The following HADHB variants were observed in gnomAD, a reference collection of about 807,000 sequenced individuals.
The protein encoded by HADHB is trifunctional enzyme subunit beta, mitochondrial.
In HADHB, 50 loss-of-function variants were observed where a neutral mutation model predicts 61.9. That is an observed-to-expected ratio of 0.81 (90% confidence interval 0.64 to 1.02). HADHB has a LOEUF of 1.02. Ranked by LOEUF, HADHB falls within the 50% of genes least tolerant of loss-of-function variation. HADHB has a pLI of 0.00. For missense variants in HADHB, 504 were observed against 586.5 expected, an observed-to-expected ratio of 0.86 and a Z score of 1.45; for synonymous variants, 191 against 201.6, an observed-to-expected ratio of 0.95 and a Z score of 0.45.
At chr2:26,287,734 AGCAGGGTTTCTCAACTTTG>A (rs1480247509) in intron 15 of HADHB, among the ~76,000 whole-genome samples, 16 of 152,200 alleles carry the variant, frequency 1.1e-4, no homozygotes, top group African/African-American at 3.9e-4. Context: ...GTGAATCTAG[AGCAGGGTTTCTCAACTTTG>A]GCACTAACAT....
intron 3 of HADHB, chr2:26,261,183 A>C: frequency 2.0e-6 from 1 of 496,572 alleles, no homozygotes; most frequent in Non-Finnish European, 3.7e-6. Context: ...GGCCTGTGGG[A>C]TGTCCAAAAC....
chr2:26,278,511 A>G, intron 7 of HADHB, 103 bp from the exon 8 acceptor site: 1 of 992,130 alleles, frequency 1.0e-6, no homozygotes. Flanking sequence ...ATGTTGTACA[A>G]AGCTGATAAC....
chr2:26,267,750 C>G, intron 4 of HADHB, among the ~76,000 whole-genome samples: 1 of 121,692 alleles, frequency 8.2e-6, no homozygotes, highest in South Asian at 2.5e-4. Flanking sequence ...CCAGCCTGGG[C>G]AACAGAGTGA....
intron 4 of HADHB, among the ~76,000 whole-genome samples, chr2:26,266,232 A>G (rs1356253061): frequency 6.6e-6 from 1 of 151,886 alleles, no homozygotes; most frequent in Non-Finnish European, 1.5e-5. Context: ...TATATGAGCT[A>G]TGCTATTGCA....
chr2:26,262,182 G>A (rs1196139457), intron 3 of HADHB, among the ~76,000 whole-genome samples: 2 of 152,150 alleles, frequency 1.3e-5, no homozygotes, highest in Non-Finnish European at 2.9e-5. Flanking sequence ...ACATTAACAG[G>A]TGTGGTAAGG....
chr2:26,263,696 A>G (rs1250673480), intron 4 of HADHB, among the ~76,000 whole-genome samples: 2 of 152,164 alleles, frequency 1.3e-5, no homozygotes, highest in African/African-American at 4.8e-5. Context: ...GCGTAGTTTT[A>G]CTTGAAACAG....
chr2:26,254,058 G>A (rs1448389534), intron 1 of HADHB, among the ~76,000 whole-genome samples, 189 bp from the exon 2 acceptor site: 1 of 151,934 alleles, frequency 6.6e-6, no homozygotes, highest in Non-Finnish European at 1.5e-5. Context: ...TAGAATAGTG[G>A]TTGCTGCAAT....
chr2:26,282,386 A>G, intron 10 of HADHB, among the ~76,000 whole-genome samples: 1 of 150,420 alleles, frequency 6.6e-6, no homozygotes, highest in East Asian at 2.0e-4. Context: ...TCAGCCTCCC[A>G]AGTAGCTGGG....
In HADHB at chr2:26,279,281, A is replaced by T. The variant is rs1314890867; in HGVS notation, c.777A>T (p.Gly259=). ...HSLAKKAQDE[G]LLSDVVPFKV... ...TAGCCAAGAAGGCACAGGATGAAGG[A>T]CTCCTTTCTGATGTGGTACCCTTCA... Residue 259 remains glycine (G), a synonymous_variant, in exon 9 of 16, where the codon GGA becomes GGT. Transcript: ENST00000317799. 6.2e-7 allele frequency: 1 copy of T among 1,612,556 alleles called. No homozygotes were observed. The highest frequency in any genetic ancestry group is 8.5e-7 in the Non-Finnish European group (1 of 1,179,044).
rs573626794 is a variant in HADHB at position 26,272,692 on chromosome 2, CA to C, written c.255-953del. The stretch of plus-strand genomic sequence containing the variant: ...TTTGAGTGCTTCCTTACTTTTGGCA[CA>C]AAAAAGATGGAAATTCACTTTGTAC... On this transcript the variant is annotated intron_variant, in intron 5 of 15. Transcript: ENST00000317799. 2.4e-3 allele frequency among the ~76,000 whole-genome samples: 360 copies of C among 152,088 alleles called. 3 individuals are homozygous for C. Among genetic ancestry groups the C allele is most frequent in the African/African-American group, 8.3e-3 (343 of 41,482 alleles).
At chr2:26,262,800 C>T (rs114429322) in intron 3 of HADHB, among the ~76,000 whole-genome samples, 71 of 152,004 alleles carry the variant, frequency 4.7e-4, no homozygotes, top group African/African-American at 1.6e-3. Context: ...TTGTCAAACA[C>T]TTAGTAAAAA....
chr2:26,268,808 G>A (rs1371380062), intron 4 of HADHB, among the ~76,000 whole-genome samples: 1 of 152,160 alleles, frequency 6.6e-6, no homozygotes, highest in Admixed American at 6.5e-5. Context: ...TCATTTCTTA[G>A]TTTTAATAAG....
At chr2:26,274,379 G>A (rs547837835) in intron 6 of HADHB, among the ~76,000 whole-genome samples, 1 of 152,324 alleles carries the variant, frequency 6.6e-6, no homozygotes, top group Non-Finnish European at 1.5e-5. Flanking sequence ...TCGATTGGAT[G>A]AAGTTGGCAC....
chr2:26,248,363 A>G (rs1283818231), intron 1 of HADHB, among the ~76,000 whole-genome samples: 1 of 151,866 alleles, frequency 6.6e-6, no homozygotes, highest in African/African-American at 2.4e-5. Context: ...AAACAGTGCT[A>G]TAGTGAACAC....
At chr2:26,283,547 ATAG>A (rs1405460827) in intron 12 of HADHB, among the ~76,000 whole-genome samples, 1 of 152,106 alleles carries the variant, frequency 6.6e-6, no homozygotes, top group African/African-American at 2.4e-5. Flanking sequence ...AATAAATAAA[ATAG>A]TAGTAATCCT....
chr2:26,279,648 C>G (rs1672703189), intron 9 of HADHB, among the ~76,000 whole-genome samples: 1 of 150,158 alleles, frequency 6.7e-6, no homozygotes, highest in African/African-American at 2.4e-5. Flanking sequence ...AAAAGAAAAA[C>G]AGAGTCTCCT....
In HADHB at chr2:26,285,365, T is replaced by G. The variant is rs201290209; in HGVS notation, c.1225-42T>G. 543 of 1,574,146 alleles carry G rather than the reference T, an allele frequency of 3.4e-4. 4 individuals carry two copies. Among genetic ancestry groups the G allele is most frequent in the Non-Finnish European group, 3.8e-4 (435 of 1,144,300 alleles). ...TAAGAGCCTAGCTTGATTCTGATCT[T>G]AAGTAAACTTATCTTTACATTTGTG... On this transcript the variant is annotated intron_variant, in intron 14 of 15. Transcript: ENST00000317799.
At chr2:26,247,973 A>G (rs1204759293) in intron 1 of HADHB, among the ~76,000 whole-genome samples, 2 of 152,184 alleles carry the variant, frequency 1.3e-5, no homozygotes, top group Non-Finnish European at 2.9e-5. Flanking sequence ...AAAAAAATTA[A>G]AGAGAACAGA....
At chr2:26,256,268 G>A (rs952649448) in intron 3 of HADHB, among the ~76,000 whole-genome samples, 2 of 152,166 alleles carry the variant, frequency 1.3e-5, no homozygotes, top group Non-Finnish European at 2.9e-5. Flanking sequence ...GTGCTGAGCA[G>A]GTTTTAGGTT....
Sources: allele counts gnomAD v4.1 joint callset (sites outside exome capture counted in the v4.1 genomes callset), GRCh38; gene constraint gnomAD v4.1.1; transcripts MANE v1.5; gene names NCBI Gene and HGNC (gene_info 2026-07-23, HGNC 2026-07-21).